RAD51B: variants seen among roughly 807,000 people sequenced by gnomAD.
RAD51B encodes the protein DNA repair protein RAD51 homolog 2.
RAD51B carries 38 observed loss-of-function variants against 42.2 expected under a neutral mutation model. The ratio of observed to expected loss-of-function variants is 0.90; its 90% CI spans 0.70 to 1.18. The LOEUF is 1.18. Among genes scored for constraint, RAD51B ranks in the 50% most tolerant of loss-of-function variants. The pLI is 0.00. For missense variants in RAD51B, 373 were observed against 400.7 expected (o/e 0.93, Z 0.59); for synonymous variants, 154 against 145.2 (o/e 1.06, Z -0.43).
chr14:68,211,358 A>G (rs1396569289), intron 7 of RAD51B, among the ~76,000 whole-genome samples: 1 of 152,122 alleles, frequency 6.6e-6, no homozygotes, highest in African/African-American at 2.4e-5. Context: ...ATTGAAACCA[A>G]TGTTTGGAGA....
intron 7 of RAD51B, among the ~76,000 whole-genome samples, chr14:68,061,102 C>T (rs943478955): frequency 2.1e-5 from 3 of 139,940 alleles, no homozygotes; most frequent in African/African-American, 8.3e-5. Context: ...ACAGTCTTGC[C>T]GTATCACCCA....
intron 9 of RAD51B, among the ~76,000 whole-genome samples, chr14:68,436,941 A>G (rs1322466089): frequency 2.0e-5 from 3 of 152,122 alleles, no homozygotes; most frequent in Non-Finnish European, 2.9e-5. Flanking sequence ...TTTTCTCAGT[A>G]TATGATCATA....
intron 9 of RAD51B, among the ~76,000 whole-genome samples, chr14:68,465,849 G>A (rs1008910177): frequency 2.6e-5 from 4 of 151,858 alleles, no homozygotes; most frequent in Non-Finnish European, 5.9e-5. Context: ...GCTGAGGCAG[G>A]AGAATGGTGT....
downstream of RAD51B, among the ~76,000 whole-genome samples, chr14:68,597,324 G>A (rs1176000447): frequency 6.6e-6 from 1 of 152,174 alleles, no homozygotes; most frequent in Non-Finnish European, 1.5e-5. Context: ...ACTCCTGGTT[G>A]TTAGGGGACA....
intron 5 of RAD51B, among the ~76,000 whole-genome samples, chr14:67,871,601 T>C (rs2042534238): frequency 6.6e-6 from 1 of 152,150 alleles, no homozygotes; most frequent in African/African-American, 2.4e-5. Flanking sequence ...GCCAGCATCA[T>C]CCTGATACCA....
At chr14:68,644,795 C>A (rs531407399) in intron 10 of RAD51B, among the ~76,000 whole-genome samples, 1 of 152,034 alleles carries the variant, frequency 6.6e-6, no homozygotes, top group Non-Finnish European at 1.5e-5. Flanking sequence ...GTCTTATACA[C>A]TCATCATAGG....
chr14:68,150,197 G>A (rs1472005024), intron 7 of RAD51B, among the ~76,000 whole-genome samples: 1 of 152,178 alleles, frequency 6.6e-6, no homozygotes, highest in African/African-American at 2.4e-5. Context: ...ACCCACCTTG[G>A]CCTCACAAAG....
chr14:68,268,851 C>T (rs1241565741), intron 7 of RAD51B, among the ~76,000 whole-genome samples: 1 of 152,216 alleles, frequency 6.6e-6, no homozygotes, highest in Non-Finnish European at 1.5e-5. Flanking sequence ...AGACCACATC[C>T]TGCCTTAGAT....
intron 7 of RAD51B, among the ~76,000 whole-genome samples, chr14:68,218,534 A>G (rs568495059): frequency 2.0e-5 from 3 of 152,356 alleles, no homozygotes; most frequent in South Asian, 2.1e-4. Flanking sequence ...TAATTTTGCT[A>G]TTACCTGAAT....
At chr14:67,983,725 C>T (rs2075134704) in intron 7 of RAD51B, among the ~76,000 whole-genome samples, 1 of 152,074 alleles carries the variant, frequency 6.6e-6, no homozygotes, top group Non-Finnish European at 1.5e-5. Context: ...GCAACAAGCA[C>T]ATTAACCATT....
At chr14:68,552,918 AT>A (rs1357074262) in intron 10 of RAD51B, among the ~76,000 whole-genome samples, 1 of 152,214 alleles carries the variant, frequency 6.6e-6, no homozygotes, top group Admixed American at 6.5e-5. Context: ...TATTGTTAAT[AT>A]TTTTGCTTGT....
intron 8 of RAD51B, among the ~76,000 whole-genome samples, chr14:68,329,135 A>G (rs988798109): frequency 1.3e-5 from 2 of 152,090 alleles, no homozygotes; most frequent in African/African-American, 4.8e-5. Flanking sequence ...TAGCTTCCCA[A>G]GTAGCTAAGA....
At chr14:68,196,034 T>C (rs886996130) in intron 7 of RAD51B, among the ~76,000 whole-genome samples, 2 of 150,248 alleles carry the variant, frequency 1.3e-5, no homozygotes, top group Non-Finnish European at 3.0e-5. Flanking sequence ...TGAAACACTC[T>C]CTACTAAAAA....
chr14:68,613,669 T>G (rs185594749), downstream of RAD51B, among the ~76,000 whole-genome samples: 13 of 152,052 alleles, frequency 8.5e-5, no homozygotes, highest in East Asian at 2.1e-3. Context: ...TTAGCCAGGA[T>G]GGTCTCGATC....
intron 10 of RAD51B, among the ~76,000 whole-genome samples, chr14:68,645,935 A>G (rs1328116110): frequency 6.6e-6 from 1 of 152,198 alleles, no homozygotes; most frequent in East Asian, 1.9e-4. Context: ...CAGGATGTCC[A>G]GTTAAATTTA....
At chr14:68,064,065 T>G (rs1229063560) in intron 7 of RAD51B, among the ~76,000 whole-genome samples, 1 of 152,222 alleles carries the variant, frequency 6.6e-6, no homozygotes, top group East Asian at 1.9e-4. Context: ...CTTCCCCATG[T>G]TTTCATGATG....
chr14:68,152,508 A>G (rs900656862), intron 7 of RAD51B, among the ~76,000 whole-genome samples: 10 of 152,196 alleles, frequency 6.6e-5, no homozygotes, highest in Admixed American at 6.5e-4. Flanking sequence ...TGTGTTGGTC[A>G]AATCATCACT....
At chr14:68,209,879 T>A (rs1025133611) in intron 7 of RAD51B, among the ~76,000 whole-genome samples, 1 of 152,112 alleles carries the variant, frequency 6.6e-6, no homozygotes, top group Non-Finnish European at 1.5e-5. Context: ...TATTCCTCCA[T>A]GAGCACACGA....
intron 10 of RAD51B, among the ~76,000 whole-genome samples, chr14:68,569,754 C>G (rs1268936581): frequency 1.3e-5 from 2 of 152,196 alleles, no homozygotes; most frequent in African/African-American, 4.8e-5. Flanking sequence ...TCGGGTTTGC[C>G]ATGGAACCGG....
Sources: gnomAD v4.1 joint callset for allele counts (sites outside exome capture counted in the v4.1 genomes callset) on GRCh38, gnomAD v4.1.1 for gene constraint, MANE v1.5 for transcripts, NCBI Gene and HGNC (gene_info 2026-07-23, HGNC 2026-07-21) for gene names.